TOGARAM2: variants seen among roughly 807,000 people sequenced by gnomAD.
The protein encoded by TOGARAM2 is TOG array regulator of axonemal microtubules protein 2.
TOGARAM2 carries 85 observed loss-of-function variants against 93.3 expected under a neutral mutation model. The ratio of observed to expected loss-of-function variants is 0.91; its 90% confidence interval spans 0.76 to 1.09. The LOEUF (loss-of-function observed/expected upper bound fraction) is 1.09. TOGARAM2 is among the 50% of genes least tolerant of loss of function. The pLI is 0.00. For missense variants in TOGARAM2, 1,277 were observed against 1,334.5 expected, an observed-to-expected ratio of 0.96 and a Z score of 0.67; for synonymous variants, 593 against 552.8, an observed-to-expected ratio of 1.07 and a Z score of -1.02.
chr2:29,007,931 C>A (rs886350357), intron 6 of TOGARAM2, among the ~76,000 whole-genome samples: 19 of 152,130 alleles, frequency 1.2e-4, no homozygotes, highest in South Asian at 4.2e-4. Context: ...GCCTCTCACC[C>A]CTTTCCCCAC....
At chr2:29,042,526 A>T (rs1218910418) in intron 18 of TOGARAM2, among the ~76,000 whole-genome samples, 1 of 152,194 alleles carries the variant, frequency 6.6e-6, no homozygotes, top group Non-Finnish European at 1.5e-5. Context: ...GAGTGGGTGG[A>T]TGAGCAGAAA....
chr2:29,000,258 C>T (rs1673216548), intron 4 of TOGARAM2, among the ~76,000 whole-genome samples: 1 of 152,116 alleles, frequency 6.6e-6, no homozygotes. Flanking sequence ...GTTTGTTGAG[C>T]AGATGAACAA....
Position 28,998,182 on chromosome 2 carries a change from T to C in TOGARAM2, c.68T>C (p.Ile23Thr). 1 of 1,611,754 alleles carries C rather than the reference T, an allele frequency of 6.2e-7. No homozygotes were observed. The highest frequency in any genetic ancestry group is 8.5e-7 in the Non-Finnish European group (1 of 1,179,124). ...CCCGTGGCCGTGTACTGCGGGAGCA[T>C]CCCTCGGACCAGTGCTGGGCCCCGG... ...LVPVAVYCGSIPRTSAGPRVL... is the reference protein window; with the variant it reads ...LVPVAVYCGSTPRTSAGPRVL... The change falls in exon 3 of 20, where the codon ATC (isoleucine) becomes ACC (threonine). Residue 23 changes from isoleucine to threonine, a missense_variant. Transcript: ENST00000379558.
chr2:28,992,517 G>C (rs748431526), intron 1 of TOGARAM2, among the ~76,000 whole-genome samples: 71 of 152,162 alleles, frequency 4.7e-4, no homozygotes, highest in Non-Finnish European at 5.7e-4. Flanking sequence ...CCACTGAGGA[G>C]GCTACGGTGG....
intron 1 of TOGARAM2, among the ~76,000 whole-genome samples, chr2:28,983,149 G>A (rs959846142): frequency 2.1e-5 from 3 of 140,188 alleles, no homozygotes; most frequent in South Asian, 2.2e-4. Context: ...CACCATGCCC[G>A]GCTAATCTTT....
chr2:29,013,140 G>A (rs1664351488), intron 7 of TOGARAM2, among the ~76,000 whole-genome samples: 1 of 152,216 alleles, frequency 6.6e-6, no homozygotes, highest in Non-Finnish European at 1.5e-5. Context: ...CCTGTGGGTG[G>A]CAGAAAATGA....
chr2:28,992,108 T>TGTGATGGG (rs1672762488), intron 1 of TOGARAM2, among the ~76,000 whole-genome samples: 1 of 152,176 alleles, frequency 6.6e-6, no homozygotes, highest in Non-Finnish European at 1.5e-5. Context: ...CGGTGAATTG[T>TGTGATGGG]GCCTTGGGGG....
At chr2:29,004,211 G>A (rs924165358) in intron 6 of TOGARAM2, among the ~76,000 whole-genome samples, 3 of 152,200 alleles carry the variant, frequency 2.0e-5, no homozygotes, top group African/African-American at 7.2e-5. Flanking sequence ...TGAAACTCCT[G>A]ACCTCAGGTG....
chr2:29,003,646 A>C lies in TOGARAM2; in HGVS notation c.794A>C (p.Gln265Pro). 1 of 1,587,690 alleles carries C rather than the reference A, an allele frequency of 6.3e-7. No homozygotes were observed. Among genetic ancestry groups the C allele is most frequent in the South Asian group, 1.1e-5 (1 of 87,248 alleles). ...CTTCCCAGCCCGTTACCTCCAGGCC[A>C]GGGAGTCCTCACAGGCCTGAGGGCC... ...GSLPSPLPPGQGVLTGLRAPR... is the reference protein window; with the variant it reads ...GSLPSPLPPGPGVLTGLRAPR... Residue 265 changes from glutamine (Q) to proline (P), a missense_variant, in exon 6 of 20, where the codon CAG becomes CCG. Coordinates refer to ENST00000379558, the MANE Select transcript of TOGARAM2 (RefSeq NM_199280.4).
intron 6 of TOGARAM2, among the ~76,000 whole-genome samples, chr2:29,005,178 A>C (rs1404762544): frequency 6.8e-5 from 8 of 117,680 alleles, no homozygotes; most frequent in Non-Finnish European, 1.4e-4. Context: ...GTGTAAGGGC[A>C]TATGTGTGCA....
chr2:29,006,069 G>GTA (rs1224124619), intron 6 of TOGARAM2, among the ~76,000 whole-genome samples: 2 of 129,206 alleles, frequency 1.5e-5, no homozygotes, highest in African/African-American at 5.7e-5. Flanking sequence ...GTATGTGTAT[G>GTA]TGTGAGAGCA....
At chr2:29,012,533 C>T (rs1247578978) in intron 7 of TOGARAM2, among the ~76,000 whole-genome samples, 2 of 152,282 alleles carry the variant, frequency 1.3e-5, no homozygotes, top group South Asian at 4.1e-4. Flanking sequence ...GGGGTTGGGC[C>T]AGGAGACCCC....
At chr2:28,983,902 G>C (rs538695097) in intron 1 of TOGARAM2, among the ~76,000 whole-genome samples, 15 of 152,176 alleles carry the variant, frequency 9.9e-5, no homozygotes, top group African/African-American at 3.4e-4. Flanking sequence ...TTACCAGGGG[G>C]TTGAGCATCT....
rs1673024041 is a variant in TOGARAM2 at position 28,996,977 on chromosome 2, T to C, written c.29-1166T>C. Among the ~76,000 whole-genome samples the C allele has an allele frequency of 2.6e-5, 4 of 152,296 alleles. No individual in the cohort carries two copies. The South Asian group carries it at 6.2e-4, about 24-fold the overall frequency. Reference sequence around the variant, plus strand: ...TTGATGGACACTTAGGCTGATTCCATGTCTTGGCTATTGTGAATAATGTAA... The same window carrying C: ...TTGATGGACACTTAGGCTGATTCCACGTCTTGGCTATTGTGAATAATGTAA... On this transcript the variant is annotated intron_variant, in intron 2 of 19. Coordinates refer to ENST00000379558, the MANE Select transcript of TOGARAM2 (RefSeq NM_199280.4).
At chr2:29,040,779 A>G (rs1666384042) in intron 18 of TOGARAM2, among the ~76,000 whole-genome samples, 1 of 152,070 alleles carries the variant, frequency 6.6e-6, no homozygotes, top group Non-Finnish European at 1.5e-5. Flanking sequence ...ACTGCGCCAT[A>G]AGGCTCTCCC....
chr2:29,005,310 G>GT (rs1553338862), intron 6 of TOGARAM2, among the ~76,000 whole-genome samples: 1 of 138,516 alleles, frequency 7.2e-6, no homozygotes, highest in African/African-American at 2.7e-5. Flanking sequence ...GTGTGTGTGG[G>GT]GTATGTGTGC....
At chr2:28,962,937 C>A (rs1671820543) in intron 1 of TOGARAM2, among the ~76,000 whole-genome samples, 1 of 151,966 alleles carries the variant, frequency 6.6e-6, no homozygotes, top group African/African-American at 2.4e-5. Flanking sequence ...ATCCTCCCAC[C>A]TTAGCCTCCT....
intron 8 of TOGARAM2, among the ~76,000 whole-genome samples, 194 bp downstream of exon 8, chr2:29,014,755 G>A (rs188699493): frequency 6.4e-4 from 98 of 152,214 alleles, no homozygotes; most frequent in African/African-American, 2.3e-3. Context: ...GAAAGGAAGA[G>A]AAAGGATGGG....
chr2:29,012,194 A>G (rs1433518363), intron 7 of TOGARAM2, among the ~76,000 whole-genome samples: 1 of 152,102 alleles, frequency 6.6e-6, no homozygotes, highest in Non-Finnish European at 1.5e-5. Flanking sequence ...GGGGAGCAGA[A>G]CACCCCGAAC....
Sources: allele counts gnomAD v4.1 joint callset (sites outside exome capture counted in the v4.1 genomes callset), GRCh38; gene constraint gnomAD v4.1.1; transcripts MANE v1.5; gene names NCBI Gene and HGNC (gene_info 2026-07-23, HGNC 2026-07-21).